Variants in SSBP3 observed in about 807,000 individuals in gnomAD.
SSBP3 encodes the protein single-stranded DNA-binding protein 3.
A neutral mutation model predicts 69.6 loss-of-function variants in SSBP3; 5 were observed. The ratio of observed to expected loss-of-function variants is 0.07; its 90% CI spans 0.04 to 0.15. The LOEUF (loss-of-function observed/expected upper bound fraction) is 0.15. SSBP3 is among the 10% of genes least tolerant of loss of function. The probability of loss-of-function intolerance (pLI) is 1.00; values close to 1 mark genes in which losing one functional copy is unlikely to be tolerated. For missense variants in SSBP3, 312 were observed against 534.0 expected, an observed-to-expected ratio of 0.58 and a Z score of 4.10; for synonymous variants, 196 against 193.4, an observed-to-expected ratio of 1.01 and a Z score of -0.11.
chr1:54,310,269 TTC>T (rs989122933), intron 4 of SSBP3, among the ~76,000 whole-genome samples: 19 of 152,180 alleles, frequency 1.2e-4, no homozygotes, highest in Non-Finnish European at 2.6e-4. Flanking sequence ...CCAGGCTTTC[TTC>T]TCTCTCCCCA....
chr1:54,282,073 A>ATAATAATAATAATAATAAT (rs1553130850), intron 4 of SSBP3, among the ~76,000 whole-genome samples: 4 of 151,220 alleles, frequency 2.6e-5, no homozygotes, highest in Admixed American at 2.6e-4. Context: ...AATAATAATA[A>ATAATAATAATAATAATAAT]AAAAATGGGG....
chr1:54,237,747 CTG>C (rs2100612188), intron 14 of SSBP3: 1 of 175,274 alleles, frequency 5.7e-6, no homozygotes, highest in South Asian at 1.4e-4. Context: ...GATGTCAAGA[CTG>C]AAACCAGCAC....
intron 5 of SSBP3, among the ~76,000 whole-genome samples, chr1:54,276,226 G>A (rs1645280739): frequency 6.6e-6 from 1 of 152,136 alleles, no homozygotes. Flanking sequence ...CAGGAGCTGG[G>A]ACCCCTCCTC....
intron 10 of SSBP3, 51 bp from the exon 11 acceptor site, chr1:54,242,263 C>T: frequency 6.2e-7 from 1 of 1,606,648 alleles, no homozygotes; most frequent in Non-Finnish European, 8.5e-7. Context: ...CTGTAAACTC[C>T]AAGCGGTGGA....
chr1:54,283,916 T>C (rs1257497390), intron 4 of SSBP3, among the ~76,000 whole-genome samples: 1 of 152,162 alleles, frequency 6.6e-6, no homozygotes, highest in Non-Finnish European at 1.5e-5. Flanking sequence ...TTTTCTGTGG[T>C]CAGTGGTTCT....
chr1:54,313,405 G>T (rs908188729), intron 4 of SSBP3, among the ~76,000 whole-genome samples: 1 of 151,184 alleles, frequency 6.6e-6, no homozygotes, highest in South Asian at 2.1e-4. Context: ...CAGGAACTAG[G>T]GGGGCTCACA....
chr1:54,358,663 G>A (rs990057194), intron 4 of SSBP3, among the ~76,000 whole-genome samples: 4 of 152,152 alleles, frequency 2.6e-5, no homozygotes, highest in Non-Finnish European at 4.4e-5. Context: ...ACAACACTGG[G>A]AGACCAGTAC....
chr1:54,405,021 T>C (rs1649613072), intron 1 of SSBP3, 91 bp from the exon 2 acceptor site: 2 of 1,166,706 alleles, frequency 1.7e-6, no homozygotes, highest in South Asian at 1.3e-5. Context: ...CTTTGAGCCC[T>C]GTCTGCGCCG....
intron 17 of SSBP3, among the ~76,000 whole-genome samples, chr1:54,227,655 G>A (rs1394254452): frequency 6.6e-6 from 1 of 152,274 alleles, no homozygotes; most frequent in East Asian, 1.9e-4. Flanking sequence ...AAGGCTTACA[G>A]CAGCCTCAAC....
chr1:54,246,408 G>C, intron 9 of SSBP3, among the ~76,000 whole-genome samples: 1 of 152,200 alleles, frequency 6.6e-6, no homozygotes, highest in East Asian at 1.9e-4. Flanking sequence ...CTTCCAGATG[G>C]AGTTCTTTTC....
intron 4 of SSBP3, among the ~76,000 whole-genome samples, chr1:54,319,269 A>G (rs988826067): frequency 4.6e-5 from 7 of 152,182 alleles, no homozygotes; most frequent in Non-Finnish European, 7.3e-5. Flanking sequence ...TGAGCCAGAT[A>G]GACTTAAGAG....
chr1:54,232,906 G>A (rs1644406406), intron 14 of SSBP3, among the ~76,000 whole-genome samples: 1 of 152,208 alleles, frequency 6.6e-6, no homozygotes, highest in African/African-American at 2.4e-5. Flanking sequence ...AGGCTGGAGT[G>A]CAGTGGCGTG....
At chr1:54,239,680 T>C (rs1390726880) in intron 13 of SSBP3, among the ~76,000 whole-genome samples, 1 of 152,182 alleles carries the variant, frequency 6.6e-6, no homozygotes, top group African/African-American at 2.4e-5. Flanking sequence ...CATTCACATA[T>C]GGAGTGGGTG....
At chr1:54,318,385 C>G (rs749416533) in intron 4 of SSBP3, among the ~76,000 whole-genome samples, 2 of 152,184 alleles carry the variant, frequency 1.3e-5, no homozygotes, top group African/African-American at 2.4e-5. Flanking sequence ...CCCCAACCAG[C>G]CATCTGGGGC....
rs1553130865 is a variant in SSBP3 at position 54,282,074 on chromosome 1, A to AATAAT, written c.277-548_277-547insATTAT. On this transcript the variant is annotated intron_variant, in intron 4 of 17. Transcript: ENST00000610401. ...ATAATAATAATAATAATAATAATAA[A>AATAAT]AAAATGGGGGGACAATGTCCACCAT... 2.9e-3 allele frequency among the ~76,000 whole-genome samples: 357 copies of AATAAT among 125,036 alleles called. 2 individuals are homozygous for AATAAT. The highest frequency in any genetic ancestry group is 0.01 in the African/African-American group (324 of 31,048). The allele number at this position is 125,036 out of a possible 152,430, so 82.0% of individuals were successfully genotyped here.
At position 54,320,470 on chromosome 1, in the gene SSBP3, A is replaced by G. The variant is rs913894495; in HGVS notation, c.277-38943T>C. Among the ~76,000 whole-genome samples the G allele has an allele frequency of 3.6e-5, 5 of 140,094 alleles. No individual in the cohort carries two copies. The South Asian group carries it at 9.2e-4, about 26-fold the overall frequency. 91.9% of individuals were successfully genotyped at this position (140,094 alleles called of 152,430 possible). A position where few individuals can be genotyped will look rare whatever the true frequency, so the allele number is the denominator to read the frequency against. On this transcript the variant is annotated intron_variant, in intron 4 of 17. Transcript: ENST00000610401. ...GTAGATGGGACTACAGGTGCCCGCC[A>G]CCATGCTGGCTAATTTTTTTTGTAT...
At chr1:54,273,340 A>G (rs1645228604) in intron 5 of SSBP3, among the ~76,000 whole-genome samples, 1 of 152,224 alleles carries the variant, frequency 6.6e-6, no homozygotes, top group Non-Finnish European at 1.5e-5. Flanking sequence ...GCATGCGTGC[A>G]CACAGGCACG....
chr1:54,307,681 T>C (rs1035264279), intron 4 of SSBP3, among the ~76,000 whole-genome samples: 1 of 152,128 alleles, frequency 6.6e-6, no homozygotes, highest in African/African-American at 2.4e-5. Context: ...TAAAATAGGT[T>C]GCAGTAAAGA....
chr1:54,268,088 G>A (rs1022991837), intron 5 of SSBP3, among the ~76,000 whole-genome samples: 1 of 152,162 alleles, frequency 6.6e-6, no homozygotes, highest in African/African-American at 2.4e-5. Context: ...CACGGGGAGA[G>A]TCCAGACAGC....
Sources: gnomAD v4.1 joint callset for allele counts (sites outside exome capture counted in the v4.1 genomes callset) on GRCh38, gnomAD v4.1.1 for gene constraint, MANE v1.5 for transcripts, NCBI Gene and HGNC (gene_info 2026-07-23, HGNC 2026-07-21) for gene names.